The following LIFR variants were observed in gnomAD, a reference collection of about 807,000 sequenced individuals.
LIFR encodes leukemia inhibitory factor receptor.
Under a neutral mutation model 122.2 loss-of-function variants are expected in LIFR, and 84 were observed. The ratio of observed to expected loss-of-function variants is 0.69; its 90% CI spans 0.58 to 0.82. The LOEUF is 0.82. Ranked by LOEUF, LIFR falls within the 40% of genes least tolerant of loss-of-function variation. LIFR has a pLI of 0.00. For synonymous variants in LIFR, 422 were observed against 434.7 expected (o/e 0.97, Z 0.36); for missense variants, 1,294 against 1,311.6 (o/e 0.99, Z 0.21).
chr5:38,490,546 T>C, intron 14 of LIFR: 1 of 216,302 alleles, frequency 4.6e-6, no homozygotes, highest in Non-Finnish European at 9.0e-6. Flanking sequence ...AGAACAACGA[T>C]GATTTAAGGC....
At chr5:38,523,836 A>G (rs1448553155) in intron 4 of LIFR, among the ~76,000 whole-genome samples, 1 of 152,206 alleles carries the variant, frequency 6.6e-6, no homozygotes, top group Non-Finnish European at 1.5e-5. Flanking sequence ...TTCTAATGAG[A>G]AAGGGAAACG....
At chr5:38,518,488 A>C (rs558141555) in intron 5 of LIFR, among the ~76,000 whole-genome samples, 2 of 152,298 alleles carry the variant, frequency 1.3e-5, no homozygotes, top group South Asian at 4.1e-4. Context: ...ATTATAATGG[A>C]GCTGAAAAAT....
Position 38,530,558 on chromosome 5 carries a change from T to C in LIFR, c.90A>G (p.Leu30=), listed in dbSNP as rs765344820. 16 of 1,613,146 alleles carry C rather than the reference T, an allele frequency of 9.9e-6. No homozygotes were observed. The highest frequency in any genetic ancestry group is 1.4e-5 in the Non-Finnish European group (16 of 1,179,118). Residue 30 remains leucine (L), a synonymous_variant, in exon 2 of 20, where the codon TTA becomes TTG. Transcript: ENST00000453190. ...MRTASNFQWL[L]STFILLYLMN... is the part of the protein sequence containing the mutation. ...TTAGATATAGAAGAATAAATGTTGATAACAGCCACTGGAAATTTGAAGCAG... is the reference window on the plus strand; with the variant it reads ...TTAGATATAGAAGAATAAATGTTGACAACAGCCACTGGAAATTTGAAGCAG...
At chr5:38,495,485 T>C (rs968678990) in intron 13 of LIFR, among the ~76,000 whole-genome samples, 1 of 152,186 alleles carries the variant, frequency 6.6e-6, no homozygotes, top group Non-Finnish European at 1.5e-5. Context: ...GAAATGCACT[T>C]TGTTTTCCCC....
rs1282036092 is a variant in LIFR at position 38,477,462 on chromosome 5, T to G, written c.*4133A>C. On this transcript the variant is annotated 3_prime_UTR_variant, in exon 20 of 20. Coordinates refer to ENST00000453190, the MANE Select transcript of LIFR (RefSeq NM_001127671.2). ...GAAATAGTTTATCAAGAGAATGAGTTCTGAATCAGTTAACCTCACACACGG... is the reference window on the plus strand; with the variant it reads ...GAAATAGTTTATCAAGAGAATGAGTGCTGAATCAGTTAACCTCACACACGG... 4.6e-6 allele frequency: 1 copy of G among 215,222 alleles called. No individual in the cohort carries two copies. Among genetic ancestry groups the G allele is most frequent in the Non-Finnish European group, 9.4e-6 (1 of 106,762 alleles). The allele number at this position is 215,222 out of a possible 1,614,324, so 13.3% of individuals were successfully genotyped here. A position where few individuals can be genotyped will look rare whatever the true frequency, so the allele number is the denominator to read the frequency against.
intron 1 of LIFR, among the ~76,000 whole-genome samples, chr5:38,569,430 T>A (rs1216590350): frequency 3.3e-5 from 5 of 151,858 alleles, no homozygotes; most frequent in Non-Finnish European, 7.4e-5. Flanking sequence ...CAAGCGAGCA[T>A]TACCACCTGA....
chr5:38,544,740 C>T (rs1431297870), intron 1 of LIFR, among the ~76,000 whole-genome samples: 1 of 152,128 alleles, frequency 6.6e-6, no homozygotes, highest in Non-Finnish European at 1.5e-5. Context: ...CTATGAGTAT[C>T]CAGTACTGAA....
chr5:38,486,983 A>C (rs749241358), intron 16 of LIFR, among the ~76,000 whole-genome samples: 17 of 151,910 alleles, frequency 1.1e-4, no homozygotes, highest in Non-Finnish European at 2.2e-4. Flanking sequence ...CATTTGCTTG[A>C]TTTTCTACAT....
chr5:38,560,204 G>A (rs1162465864), upstream of LIFR, among the ~76,000 whole-genome samples: 1 of 151,854 alleles, frequency 6.6e-6, no homozygotes, highest in East Asian at 1.9e-4. Context: ...ATTAAGCATA[G>A]TTTATTAACC....
chr5:38,541,033 T>C (rs1266361097), intron 1 of LIFR, among the ~76,000 whole-genome samples: 1 of 152,110 alleles, frequency 6.6e-6, no homozygotes, highest in Non-Finnish European at 1.5e-5. Flanking sequence ...TAATTCAAAA[T>C]TTTTTTCTTT....
intron 1 of LIFR, among the ~76,000 whole-genome samples, chr5:38,550,807 A>C (rs1367011155): frequency 6.6e-6 from 1 of 152,166 alleles, no homozygotes; most frequent in Admixed American, 6.5e-5. Flanking sequence ...TTACACTGCC[A>C]ATCAGGACTC....
chr5:38,607,701 GC>G (rs1750361402), intron 1 of LIFR: 2 of 152,292 alleles, frequency 1.3e-5, no homozygotes, highest in African/African-American at 4.8e-5. Context: ...CCCAGAGATT[GC>G]CCACTTCCCC....
chr5:38,521,842 A>T (rs1746417518), intron 5 of LIFR, among the ~76,000 whole-genome samples: 1 of 152,094 alleles, frequency 6.6e-6, no homozygotes, highest in Non-Finnish European at 1.5e-5. Flanking sequence ...GTGTGGGCCT[A>T]ATCTCAGGCC....
intron 16 of LIFR, among the ~76,000 whole-genome samples, chr5:38,487,264 A>T (rs374152530): frequency 6.6e-6 from 1 of 152,204 alleles, no homozygotes; most frequent in Non-Finnish European, 1.5e-5. Context: ...GGGAAAGTAA[A>T]TGTTTGCAGC....
rs1220621653 is a variant in LIFR, at chr5:38,510,545, T to C, written c.910A>G (p.Ile304Val). The C allele has an allele frequency of 6.2e-7, 1 of 1,614,008 alleles. No homozygotes were observed. Among genetic ancestry groups the C allele is most frequent in the East Asian group, 2.2e-5 (1 of 44,842 alleles). ...GENVAIKIRN[I>V]SVSASSGTNV... ...GTTCCACTACTTGCAGAAACAGAAA[T>C]ATTACGAATCTTGATTGCAACATTT... Residue 304 changes from isoleucine to valine, a missense_variant, in exon 7 of 20, where the codon ATT (isoleucine) becomes GTT (valine). Transcript: ENST00000453190.
intron 5 of LIFR, among the ~76,000 whole-genome samples, chr5:38,514,091 TAGC>T (rs931304584): frequency 6.6e-6 from 1 of 151,920 alleles, no homozygotes; most frequent in Non-Finnish European, 1.5e-5. Context: ...AGAAATTCAA[TAGC>T]AGGATGCAAA....
In LIFR at chr5:38,496,587, G is replaced by A. The variant is rs1447498962; in HGVS notation, c.1680C>T (p.Pro560=). 12 of 1,608,964 alleles carry A rather than the reference G, an allele frequency of 7.5e-6. No individual in the cohort carries two copies. Among genetic ancestry groups the A allele is most frequent in the Non-Finnish European group, 8.5e-6 (10 of 1,175,504 alleles). The part of the protein sequence containing the change: ...KNLIIYWKPL[P]INEANGKILS... The stretch of plus-strand genomic sequence containing the variant: ...GTATTTTTCCATTAGCTTCATTAAT[G>A]GGTAAAGGCTATGAAAAACAGACAA... Residue 560 remains proline (P), a synonymous_variant, in exon 13 of 20, where the codon CCC becomes CCT. Coordinates refer to ENST00000453190, the MANE Select transcript of LIFR (RefSeq NM_001127671.2).
intron 1 of LIFR, among the ~76,000 whole-genome samples, chr5:38,537,122 G>A (rs1488295921): frequency 2.0e-5 from 3 of 152,158 alleles, no homozygotes; most frequent in African/African-American, 7.2e-5. Flanking sequence ...ACCTCAGCAT[G>A]TCAAAACAAG....
In LIFR at chr5:38,505,401, TACACACACACACACACACAC is replaced by T. The variant is rs58882043; in HGVS notation, c.1291+484_1291+503del. Among the ~76,000 whole-genome samples, 21 of 139,470 alleles carry T rather than the reference TACACACACACACACACACAC, an allele frequency of 1.5e-4. No homozygotes were observed. The South Asian group carries it at 2.0e-3, about 13-fold the overall frequency. 91.5% of individuals were successfully genotyped at this position (139,470 alleles called of 152,430 possible). On this transcript the variant is annotated intron_variant, in intron 9 of 19. Coordinates refer to ENST00000453190, the MANE Select transcript of LIFR (RefSeq NM_001127671.2). Reference sequence around the variant, plus strand: ...TCTATACCTATAAATTGCATAGAACTACACACACACACACACACACACACACACACACACACACACACACG... The same window carrying T: ...TCTATACCTATAAATTGCATAGAACTACACACACACACACACACACACACG...
Sources: allele counts gnomAD v4.1 joint callset (sites outside exome capture counted in the v4.1 genomes callset), GRCh38; gene constraint gnomAD v4.1.1; transcripts MANE v1.5; gene names NCBI Gene and HGNC (gene_info 2026-07-23, HGNC 2026-07-21).